Variants in PRKG2 observed in about 807,000 individuals in gnomAD.
PRKG2 encodes cGMP-dependent protein kinase 2.
Under a neutral mutation model 97.2 loss-of-function variants are expected in PRKG2, and 33 were observed. The observed-to-expected ratio is 0.34, with a 90% CI of 0.26 to 0.45. The LOEUF is 0.45. PRKG2 is among the 20% of genes least tolerant of loss of function. The pLI is 1.00. For synonymous variants in PRKG2, 330 were observed against 321.8 expected (o/e 1.03, Z -0.27); for missense variants, 638 against 900.0 (o/e 0.71, Z 3.73).
At chr4:81,100,200 T>C (rs1272743030) in intron 17 of PRKG2, among the ~76,000 whole-genome samples, 1 of 152,016 alleles carries the variant, frequency 6.6e-6, no homozygotes, top group Non-Finnish European at 1.5e-5. Flanking sequence ...CTTCACAAAA[T>C]TGGAAAAAAC....
chr4:81,152,063 T>A lies in PRKG2; in HGVS notation c.991-9A>T, dbSNP rs748908830. The A allele has an allele frequency of 1.3e-6, 2 of 1,585,540 alleles. No individual in the cohort carries two copies. Among genetic ancestry groups the A allele is most frequent in the South Asian group, 2.3e-5 (2 of 88,188 alleles). The stretch of plus-strand genomic sequence containing the variant: ...CTCTGTGTTACTTTTACCTAAACAA[T>A]GTTAAGCAATACAAACAGAAAGAGA... On this transcript the variant is annotated splice_polypyrimidine_tract_variant and intron_variant, in intron 7 of 18. Transcript: ENST00000264399.
chr4:81,194,159 A>G (rs1652698019), intron 2 of PRKG2, among the ~76,000 whole-genome samples: 1 of 152,202 alleles, frequency 6.6e-6, no homozygotes, highest in African/African-American at 2.4e-5. Flanking sequence ...CTTCAAGGGT[A>G]TGACTGTGTT....
At chr4:81,114,459 T>C (rs1278165105) in intron 14 of PRKG2, among the ~76,000 whole-genome samples, 2 of 152,108 alleles carry the variant, frequency 1.3e-5, no homozygotes, top group Admixed American at 1.3e-4. Context: ...CTTATATAAA[T>C]TGATGAGGAA....
At chr4:81,136,916 C>T (rs1746761942) in intron 13 of PRKG2, among the ~76,000 whole-genome samples, 1 of 152,156 alleles carries the variant, frequency 6.6e-6, no homozygotes, top group South Asian at 2.1e-4. Flanking sequence ...CCACCGTGCA[C>T]TATGAAGCCT....
At chr4:81,143,029 A>G in intron 10 of PRKG2, 82 bp from the exon 11 acceptor site, 1 of 1,436,124 alleles carries the variant, frequency 7.0e-7, no homozygotes, top group Non-Finnish European at 9.3e-7. Context: ...CACTCCTACG[A>G]CAGTCTAATT....
At chr4:81,214,410 G>A (rs938523559) in intron 1 of PRKG2, among the ~76,000 whole-genome samples, 3 of 151,642 alleles carry the variant, frequency 2.0e-5, no homozygotes, top group Non-Finnish European at 2.9e-5. Flanking sequence ...GTTTGCTCTT[G>A]TTTCTTCATC....
chr4:81,205,322 C>T (rs1487190499), intron 1 of PRKG2, among the ~76,000 whole-genome samples: 1 of 151,956 alleles, frequency 6.6e-6, no homozygotes, highest in South Asian at 2.1e-4. Context: ...TAACATTTTT[C>T]ACAAATGGTC....
In PRKG2 at chr4:81,089,762, A is replaced by T; in HGVS notation, c.2235T>A (p.Pro745=). The change falls in exon 19 of 19, where the codon CCT becomes CCA. Residue 745 remains proline, a synonymous_variant. Transcript: ENST00000264399. ...CATCTGGAGGCATTCCCTTTTCAGG[A>T]GGATATTTGTCAAAGTAGCTGTGAT... The part of the protein sequence containing the change: ...PIDHSYFDKY[P]PEKGMPPDEL... The T allele has an allele frequency of 6.2e-7, 1 of 1,613,222 alleles. No individual in the cohort carries two copies. Among genetic ancestry groups the T allele is most frequent in the Non-Finnish European group, 8.5e-7 (1 of 1,179,172 alleles).
intron 6 of PRKG2, 25 bp downstream of exon 6, chr4:81,167,136 T>A (rs746332718): frequency 6.8e-7 from 1 of 1,466,306 alleles, no homozygotes; most frequent in Admixed American, 2.0e-5. Context: ...TAATGAAATT[T>A]ATTTTTTACT....
intron 14 of PRKG2, among the ~76,000 whole-genome samples, chr4:81,129,022 T>C (rs184518300): frequency 6.6e-6 from 1 of 152,328 alleles, no homozygotes; most frequent in Admixed American, 6.5e-5. Flanking sequence ...GTGTCTTTGT[T>C]CTCATTGGTT....
At chr4:81,142,430 C>A (rs1271200765) in intron 11 of PRKG2, among the ~76,000 whole-genome samples, 1 of 152,180 alleles carries the variant, frequency 6.6e-6, no homozygotes, top group East Asian at 1.9e-4. Context: ...TTCTTCTTTT[C>A]TTTAGTGTAT....
chr4:81,144,370 G>A, intron 9 of PRKG2, 40 bp from the exon 10 acceptor site: 1 of 1,494,692 alleles, frequency 6.7e-7, no homozygotes, highest in Non-Finnish European at 9.3e-7. Context: ...CGTGCTGATA[G>A]TTACCAAGGC....
chr4:81,135,060 C>T, intron 14 of PRKG2, 95 bp downstream of exon 14: 1 of 1,213,236 alleles, frequency 8.2e-7, no homozygotes, highest in East Asian at 2.4e-5. Context: ...AGAATAACAG[C>T]TGCACTAAAA....
intron 5 of PRKG2, among the ~76,000 whole-genome samples, chr4:81,169,263 T>G (rs1160836694): frequency 6.6e-6 from 1 of 152,098 alleles, no homozygotes; most frequent in African/African-American, 2.4e-5. Flanking sequence ...ATAAGCATAG[T>G]AAATTTAATT....
rs964709521 is a variant in PRKG2 at position 81,161,121 on chromosome 4, T to C, written c.912+6040A>G. Among the ~76,000 whole-genome samples, 6 of 152,314 alleles carry C rather than the reference T, an allele frequency of 3.9e-5. No individual in the cohort carries two copies. In the East Asian group the frequency reaches 1.2e-3, roughly 29 times the overall value. On this transcript the variant is annotated intron_variant, in intron 6 of 18. Transcript: ENST00000264399. Reference sequence around the variant, plus strand: ...CTTGATCATTTATTCTTAAAACCTATTTACTTTTCTGGAATAAATGTTACT... The same window carrying C: ...CTTGATCATTTATTCTTAAAACCTACTTACTTTTCTGGAATAAATGTTACT...
At chr4:81,152,115 A>ACATTCATT in intron 7 of PRKG2, 61 bp from the exon 8 acceptor site, 1 of 1,277,744 alleles carries the variant, frequency 7.8e-7, no homozygotes, top group Admixed American at 2.0e-5. Flanking sequence ...ATCTGAACAC[A>ACATTCATT]CATTCATTCA....
chr4:81,119,326 G>A (rs776772954), intron 14 of PRKG2, among the ~76,000 whole-genome samples: 17 of 152,108 alleles, frequency 1.1e-4, no homozygotes, highest in Non-Finnish European at 1.8e-4. Context: ...ACTTTTTAGC[G>A]TCTGGATGTC....
intron 11 of PRKG2, among the ~76,000 whole-genome samples, chr4:81,141,598 A>G (rs1747296707): frequency 6.6e-6 from 1 of 152,238 alleles, no homozygotes; most frequent in Non-Finnish European, 1.5e-5. Context: ...AAACTCCATA[A>G]GCAGACTATG....
At chr4:81,145,783 AATC>A in intron 9 of PRKG2, among the ~76,000 whole-genome samples, 1 of 152,154 alleles carries the variant, frequency 6.6e-6, no homozygotes, top group South Asian at 2.1e-4. Flanking sequence ...ACCATGCTTT[AATC>A]ATCTTTGTAA....
Sources: gnomAD v4.1 joint callset for allele counts (sites outside exome capture counted in the v4.1 genomes callset) on GRCh38, gnomAD v4.1.1 for gene constraint, MANE v1.5 for transcripts, NCBI Gene and HGNC (gene_info 2026-07-23, HGNC 2026-07-21) for gene names.